Variants in APOLD1 observed in about 807,000 individuals in gnomAD.
APOLD1 encodes apolipoprotein L domain-containing protein 1.
Under a neutral mutation model 15.3 loss-of-function variants are expected in APOLD1, and 22 were observed. The observed-to-expected ratio is 1.44, with a 90% confidence interval of 1.03 to 2.05. The LOEUF (loss-of-function observed/expected upper bound fraction) is 2.05. Among genes scored for constraint, APOLD1 ranks in the 30% most tolerant of loss-of-function variants. The pLI, the probability that APOLD1 is intolerant of heterozygous loss-of-function variation, is 0.00. For missense variants in APOLD1, 394 were observed against 353.5 expected (o/e 1.11, Z -0.92); for synonymous variants, 190 against 167.4 (o/e 1.13, Z -1.04).
chr12:12,743,482 C>T (rs1297730047), intron 1 of APOLD1, among the ~76,000 whole-genome samples: 1 of 152,174 alleles, frequency 6.6e-6, no homozygotes, highest in African/African-American at 2.4e-5. Context: ...AAGCAGAGGG[C>T]CTTTCCATCT....
chr12:12,749,282 C>T (rs1380188258), intron 1 of APOLD1, among the ~76,000 whole-genome samples: 1 of 152,078 alleles, frequency 6.6e-6, no homozygotes, highest in East Asian at 1.9e-4. Flanking sequence ...GAAAAAAGTA[C>T]ATCCCAGACT....
At chr12:12,742,843 C>G (rs796859945) in intron 1 of APOLD1, among the ~76,000 whole-genome samples, 14 of 152,082 alleles carry the variant, frequency 9.2e-5, no homozygotes, top group African/African-American at 3.4e-4. Flanking sequence ...CGGCTTACTG[C>G]AGCCTTGACA....
chr12:12,770,327 C>T (rs933930575), intron 1 of APOLD1, among the ~76,000 whole-genome samples: 2 of 152,180 alleles, frequency 1.3e-5, no homozygotes, highest in Admixed American at 6.5e-5. Flanking sequence ...ATCGCTTGAA[C>T]CCAGGAGGCA....
At chr12:12,781,339 G>C (rs965364214), upstream of APOLD1, among the ~76,000 whole-genome samples, 3 of 152,122 alleles carry the variant, frequency 2.0e-5, no homozygotes, top group Non-Finnish European at 2.9e-5. Flanking sequence ...AGCTACTTGG[G>C]AGGCTGAGAC....
Position 12,790,517 on chromosome 12 carries a change from T to G in APOLD1, c.*2865T>G, listed in dbSNP as rs759741136. On this transcript the variant is annotated 3_prime_UTR_variant, in exon 2 of 2. Coordinates refer to ENST00000356591, the MANE Select transcript of APOLD1 (RefSeq NM_030817.3). Reference sequence around the variant, plus strand: ...TCCCTAGAATTAAACTGGGCACTTTTGGAAGCAGCAACAGTAACAGCAGCA... The same window carrying G: ...TCCCTAGAATTAAACTGGGCACTTTGGGAAGCAGCAACAGTAACAGCAGCA... 1.3e-5 allele frequency: 2 copies of G among 152,246 alleles called. No homozygotes were observed. The highest frequency in any genetic ancestry group is 2.9e-5 in the Non-Finnish European group (2 of 68,040). 9.4% of individuals were successfully genotyped at this position (152,246 alleles called of 1,614,324 possible).
rs1555090183 is a variant in APOLD1, at chr12:12,757,484, CTG to C, written c.97-29424_97-29423del. 3.8e-4 allele frequency among the ~76,000 whole-genome samples: 58 copies of C among 152,242 alleles called. 1 individual carries two copies. The highest frequency in any genetic ancestry group is 1.8e-3 in the Admixed American group (27 of 15,276). On this transcript the variant is annotated intron_variant, in intron 1 of 1. Coordinates refer to the APOLD1 transcript ENST00000326765. ...AACTCATTTTACTTAACTTTTTAAA[CTG>C]AAACATAAAACACAGATTCATAAAA...
chr12:12,747,680 T>C (rs764096246), intron 1 of APOLD1, among the ~76,000 whole-genome samples: 1 of 152,236 alleles, frequency 6.6e-6, no homozygotes, highest in South Asian at 2.1e-4. Flanking sequence ...TCTTATTTCT[T>C]AGTTGGCTGT....
At chr12:12,772,458 C>T (rs954179701) in intron 1 of APOLD1, among the ~76,000 whole-genome samples, 3 of 152,138 alleles carry the variant, frequency 2.0e-5, no homozygotes, top group Non-Finnish European at 2.9e-5. Flanking sequence ...AGTGTATGCA[C>T]CTAACAACGG....
chr12:12,762,985 G>T (rs60489720), intron 1 of APOLD1, among the ~76,000 whole-genome samples: 3,073 of 151,960 alleles, frequency 0.02, 104 homozygotes, highest in African/African-American at 0.071. Context: ...GTCTCTAAAA[G>T]AAAAATTTTA....
intron 1 of APOLD1, among the ~76,000 whole-genome samples, chr12:12,746,649 A>G (rs1411942490): frequency 6.6e-6 from 1 of 152,162 alleles, no homozygotes; most frequent in African/African-American, 2.4e-5. Flanking sequence ...AATTTTTTTT[A>G]AATTTCATAT....
intron 1 of APOLD1, among the ~76,000 whole-genome samples, chr12:12,746,461 A>G (rs1389579430): frequency 1.3e-5 from 2 of 152,108 alleles, no homozygotes; most frequent in Non-Finnish European, 2.9e-5. Flanking sequence ...GCACCACTGC[A>G]CTCCAGCCTG....
intron 1 of APOLD1, among the ~76,000 whole-genome samples, chr12:12,736,302 G>A (rs1001180873): frequency 2.0e-5 from 3 of 152,042 alleles, no homozygotes; most frequent in Non-Finnish European, 4.4e-5. Flanking sequence ...GGTGAGCCAA[G>A]ATCACGCCAC....
At chr12:12,735,472 A>G (rs1031547634) in intron 1 of APOLD1, among the ~76,000 whole-genome samples, 3 of 152,112 alleles carry the variant, frequency 2.0e-5, no homozygotes, top group Admixed American at 2.0e-4. Flanking sequence ...ACACAGTCCA[A>G]GGCTGCAAGT....
chr12:12,781,975 C>A (rs1298184764), upstream of APOLD1, among the ~76,000 whole-genome samples: 1 of 151,646 alleles, frequency 6.6e-6, no homozygotes, highest in African/African-American at 2.4e-5. Context: ...ACTACCAGTT[C>A]TGGCTGGCCA....
chr12:12,742,762 TAAAA>T (rs56809842), intron 1 of APOLD1, among the ~76,000 whole-genome samples: 2 of 140,718 alleles, frequency 1.4e-5, no homozygotes, highest in African/African-American at 2.6e-5. Flanking sequence ...AGACTCCATC[TAAAA>T]AAAAAAAAAA....
chr12:12,782,756 G>C (rs1190869107), upstream of APOLD1, among the ~76,000 whole-genome samples: 1 of 152,132 alleles, frequency 6.6e-6, no homozygotes, highest in Non-Finnish European at 1.5e-5. Flanking sequence ...TCTCTCTAGG[G>C]TGATGTGTTG....
chr12:12,769,149 G>A (rs1157922920), intron 1 of APOLD1, among the ~76,000 whole-genome samples: 8 of 148,832 alleles, frequency 5.4e-5, no homozygotes, highest in African/African-American at 2.0e-4. Flanking sequence ...GATCACTTGA[G>A]CCTAGGCAAT....
upstream of APOLD1, among the ~76,000 whole-genome samples, chr12:12,784,719 T>G (rs1287559054): frequency 6.6e-6 from 1 of 152,158 alleles, no homozygotes; most frequent in African/African-American, 2.4e-5. Context: ...TTTGGGGACA[T>G]GTAGTAGGAC....
chr12:12,726,433 C>CT (rs1946594383), intron 1 of APOLD1: 3 of 360,542 alleles, frequency 8.3e-6, no homozygotes, highest in Non-Finnish European at 5.4e-6. Context: ...CTTTTTTTTT[C>CT]TTTTTTGTAA....
Sources: gnomAD v4.1 joint callset for allele counts (sites outside exome capture counted in the v4.1 genomes callset) on GRCh38, gnomAD v4.1.1 for gene constraint, MANE v1.5 for transcripts, NCBI Gene and HGNC (gene_info 2026-07-23, HGNC 2026-07-21) for gene names.